SNAP25: variants seen among roughly 807,000 people sequenced by gnomAD.
SNAP25 encodes synaptosome associated protein 25.
A neutral mutation model predicts 28.7 loss-of-function variants in SNAP25; 3 were observed. That is an observed-to-expected ratio of 0.10 (90% CI 0.05 to 0.27). The LOEUF (loss-of-function observed/expected upper bound fraction) is 0.27, where lower values mean the gene tolerates loss of function less well. Ranked by LOEUF, SNAP25 falls within the 10% of genes least tolerant of loss-of-function variation. The pLI is 1.00. For synonymous variants in SNAP25, 61 were observed against 88.1 expected (o/e 0.69, Z 1.72); for missense variants, 117 against 278.7 (o/e 0.42, Z 4.13).
intron 1 of SNAP25, among the ~76,000 whole-genome samples, chr20:10,237,960 C>T (rs767364618): frequency 6.6e-6 from 1 of 152,156 alleles, no homozygotes; most frequent in Non-Finnish European, 1.5e-5. Flanking sequence ...GTTCCTTTAT[C>T]TCTTGTTTTC....
chr20:10,268,648 G>A (rs1035471240), intron 1 of SNAP25, among the ~76,000 whole-genome samples: 5 of 152,104 alleles, frequency 3.3e-5, no homozygotes, highest in Admixed American at 1.3e-4. Flanking sequence ...CAGCAGGAAC[G>A]CATTTTTACC....
chr20:10,306,438 T>A lies in SNAP25; in HGVS notation c.*241T>A. 2.6e-6 allele frequency: 1 copy of A among 383,548 alleles called. No individual in the cohort carries two copies. The allele number at this position is 383,548 out of a possible 1,614,324, so 23.8% of individuals were successfully genotyped here. ...ATTTGGTGGCTCTAACTCCTTGAGG[T>A]CTTGAGTTTCATTTTTCATTTTCTC... On this transcript the variant is annotated 3_prime_UTR_variant, in exon 8 of 8. Coordinates refer to ENST00000254976, the MANE Select transcript of SNAP25 (RefSeq NM_130811.4).
chr20:10,255,166 C>T (rs1600694656), intron 1 of SNAP25, among the ~76,000 whole-genome samples: 1 of 152,262 alleles, frequency 6.6e-6, no homozygotes, highest in East Asian at 1.9e-4. Context: ...CAAGTGGGCC[C>T]ACGGATAAGA....
At chr20:10,228,916 C>T (rs2062778672) in intron 1 of SNAP25, among the ~76,000 whole-genome samples, 1 of 152,108 alleles carries the variant, frequency 6.6e-6, no homozygotes, top group Admixed American at 6.6e-5. Context: ...GCTTGATCAG[C>T]ATGCATAATA....
intron 1 of SNAP25, among the ~76,000 whole-genome samples, chr20:10,226,803 C>G (rs2062741182): frequency 6.6e-6 from 1 of 152,078 alleles, no homozygotes; most frequent in Admixed American, 6.5e-5. Context: ...GTGAACTTGT[C>G]TCTATTTACA....
intron 1 of SNAP25, among the ~76,000 whole-genome samples, chr20:10,223,866 G>A (rs999822865): frequency 6.6e-6 from 1 of 152,090 alleles, no homozygotes; most frequent in Non-Finnish European, 1.5e-5. Flanking sequence ...TAAATAAATA[G>A]TGCAACCCAC....
intron 3 of SNAP25, among the ~76,000 whole-genome samples, chr20:10,278,294 T>C (rs916147966): frequency 6.6e-6 from 1 of 152,216 alleles, no homozygotes; most frequent in African/African-American, 2.4e-5. Flanking sequence ...AGCTTTTTTA[T>C]ATTCCTGCCT....
chr20:10,257,882 CA>C (rs57183397), intron 1 of SNAP25, among the ~76,000 whole-genome samples: 36,705 of 84,382 alleles, frequency 0.43, 3,829 homozygotes, highest in Middle Eastern at 0.65. Context: ...GACTCTGTCT[CA>C]AAAAAAAAAA....
At chr20:10,225,133 A>C (rs2062712048) in intron 1 of SNAP25, among the ~76,000 whole-genome samples, 2 of 152,004 alleles carry the variant, frequency 1.3e-5, no homozygotes. Context: ...GAGAGAAGGA[A>C]GCTTTAAAGC....
chr20:10,259,643 A>G (rs1307383850), intron 1 of SNAP25, among the ~76,000 whole-genome samples: 1 of 152,074 alleles, frequency 6.6e-6, no homozygotes. Flanking sequence ...GGCTTAAGCC[A>G]TCCTCCCACT....
At chr20:10,247,188 A>G (rs559467241) in intron 1 of SNAP25, among the ~76,000 whole-genome samples, 1 of 152,324 alleles carries the variant, frequency 6.6e-6, no homozygotes, top group Admixed American at 6.5e-5. Context: ...GGATTTGGGA[A>G]GCTGCAGAGA....
chr20:10,299,888 G>A (rs2064194034), intron 7 of SNAP25, among the ~76,000 whole-genome samples: 1 of 152,194 alleles, frequency 6.6e-6, no homozygotes. Flanking sequence ...CTTGAAGGAT[G>A]GTTAGTATTA....
At chr20:10,230,202 T>C (rs1276901200) in intron 1 of SNAP25, among the ~76,000 whole-genome samples, 5 of 152,118 alleles carry the variant, frequency 3.3e-5, no homozygotes, top group Admixed American at 3.3e-4. Flanking sequence ...TGAGTTATAC[T>C]TGCTCACTGC....
chr20:10,253,624 G>T (rs2063268403), intron 1 of SNAP25, among the ~76,000 whole-genome samples: 1 of 152,156 alleles, frequency 6.6e-6, no homozygotes, highest in African/African-American at 2.4e-5. Flanking sequence ...GCAGCCAAGG[G>T]TCCCATTCAG....
At chr20:10,269,324 C>T (rs1200905859) in intron 1 of SNAP25, among the ~76,000 whole-genome samples, 2 of 152,136 alleles carry the variant, frequency 1.3e-5, no homozygotes, top group East Asian at 3.9e-4. Context: ...TGCACTTGAA[C>T]CCGGGAGGTG....
chr20:10,306,911 C>T lies in SNAP25; in HGVS notation c.*714C>T, dbSNP rs1293998843. 1 of 153,342 alleles carries T rather than the reference C, an allele frequency of 6.5e-6. No homozygotes were observed. Among genetic ancestry groups the T allele is most frequent in the East Asian group, 1.9e-4 (1 of 5,190 alleles). The allele number at this position is 153,342 out of a possible 1,614,324, so 9.5% of individuals were successfully genotyped here. On this transcript the variant is annotated 3_prime_UTR_variant, in exon 8 of 8. Transcript: ENST00000254976. ...TATACCAGCAAAAGTGCAGTAGTGT[C>T]ACTTTTTTCCTGTCAATATATAGAG...
intron 1 of SNAP25, among the ~76,000 whole-genome samples, chr20:10,245,845 A>C (rs187419164): frequency 7.9e-4 from 121 of 152,366 alleles, no homozygotes; most frequent in African/African-American, 2.9e-3. Context: ...CATGTAAATC[A>C]TAAGCTTTGT....
At chr20:10,299,667 T>TG (rs1191777944) in intron 7 of SNAP25, among the ~76,000 whole-genome samples, 1 of 152,220 alleles carries the variant, frequency 6.6e-6, no homozygotes, top group African/African-American at 2.4e-5. Context: ...CTAGGCACTG[T>TG]GGGCCATGTA....
chr20:10,219,084 G>C (rs1160322319), intron 1 of SNAP25, 107 bp downstream of exon 1: 7 of 152,356 alleles, frequency 4.6e-5, no homozygotes. Flanking sequence ...ACAAGTATTG[G>C]TGCACTTAGG....
Sources: gnomAD v4.1 joint callset for allele counts (sites outside exome capture counted in the v4.1 genomes callset) on GRCh38, gnomAD v4.1.1 for gene constraint, MANE v1.5 for transcripts, NCBI Gene and HGNC (gene_info 2026-07-23, HGNC 2026-07-21) for gene names.